The following PDXDC1 variants were observed in gnomAD, a reference collection of about 807,000 sequenced individuals.
The protein encoded by PDXDC1 is pyridoxal dependent decarboxylase domain containing 1, also known as pyridoxal-dependent decarboxylase domain-containing protein 1.
PDXDC1 carries 42 observed loss-of-function variants against 100.1 expected under a neutral mutation model. That is an observed-to-expected ratio of 0.42 (90% CI 0.33 to 0.54). The LOEUF is 0.54. Among genes scored for constraint, PDXDC1 ranks in the 20% least tolerant of loss-of-function variants. The pLI is 0.10. For missense variants in PDXDC1, 636 were observed against 979.2 expected (o/e 0.65, Z 4.68); for synonymous variants, 260 against 371.7 (o/e 0.70, Z 3.46).
In PDXDC1 at chr16:15,006,534, A is replaced by T; in HGVS notation, c.530A>T (p.Tyr177Phe). 6.2e-7 allele frequency: 1 copy of T among 1,601,310 alleles called. No individual in the cohort carries two copies. Among genetic ancestry groups the T allele is most frequent in the Middle Eastern group, 1.7e-4 (1 of 6,026 alleles). The change falls in exon 6 of 23, where the codon TAT (tyrosine) becomes TTT (phenylalanine). Residue 177 changes from tyrosine (Y) to phenylalanine (F), a missense_variant. Transcript: ENST00000396410. ...NVLYNKKPVI[Y>F]LSAAARPGLG... The stretch of plus-strand genomic sequence containing the variant: ...TTATATAACAAGAAGCCTGTCATAT[A>T]TCTTAGTGCTGCTGCTAGACCTGGC...
intron 16 of PDXDC1, among the ~76,000 whole-genome samples, chr16:15,057,171 C>T (rs1009669438): frequency 3.9e-5 from 6 of 152,178 alleles, no homozygotes; most frequent in Admixed American, 1.3e-4. Flanking sequence ...CCTCAGCTTA[C>T]ACACCCCGTT....
chr16:15,045,444 G>C (rs978597418), intron 16 of PDXDC1: 5 of 151,722 alleles, frequency 3.3e-5, no homozygotes, highest in Non-Finnish European at 7.3e-5. Context: ...GCCAGCCTGG[G>C]TGACAGAGCC....
chr16:14,980,578 C>T lies in PDXDC1; in HGVS notation c.21+5358C>T, dbSNP rs539785847. Among the ~76,000 whole-genome samples, 3 of 152,404 alleles carry T rather than the reference C, an allele frequency of 2.0e-5. No homozygotes were observed. The East Asian group carries it at 5.8e-4, about 29-fold the overall frequency. Reference sequence around the variant, plus strand: ...TCGGCTCACTGCAAGCTCCACCTCCCAGGTTCACGCCATTCTTCTGCCTCA... The same window carrying T: ...TCGGCTCACTGCAAGCTCCACCTCCTAGGTTCACGCCATTCTTCTGCCTCA... On this transcript the variant is annotated intron_variant, in intron 1 of 22. Coordinates refer to ENST00000396410, the MANE Select transcript of PDXDC1 (RefSeq NM_015027.4).
chr16:15,135,516 C>G, intron 16 of PDXDC1: 1 of 1,115,920 alleles, frequency 9.0e-7, no homozygotes, highest in African/African-American at 1.5e-5. Context: ...GCGCGGGAGA[C>G]CCCCTCCCCA....
chr16:15,133,227 G>A (rs1482338461), intron 16 of PDXDC1: 5 of 1,333,548 alleles, frequency 3.7e-6, no homozygotes, highest in African/African-American at 1.4e-5. Flanking sequence ...CAGCACGCAT[G>A]CAGCAGATGT....
chr16:15,034,508 C>T lies in PDXDC1; in HGVS notation c.1957C>T (p.Pro653Ser). The T allele has an allele frequency of 6.2e-7, 1 of 1,614,132 alleles. No individual in the cohort carries two copies. The highest frequency in any genetic ancestry group is 8.5e-7 in the Non-Finnish European group (1 of 1,180,012). ...VVGSVLNWFS[P>S]VQALQKGRTF... ...GGGCTCCGTGCTGAATTGGTTTTCT[C>T]CGGTCCAGGCTTTACAGAAGGGAAG... is the stretch of plus-strand genomic sequence containing the variant. The change falls in exon 21 of 23, where the codon CCG becomes TCG. Residue 653 changes from proline to serine, a missense_variant. By Grantham distance (74) the Pro-to-Ser change is moderately conservative. Coordinates refer to ENST00000396410, the MANE Select transcript of PDXDC1 (RefSeq NM_015027.4).
At position 15,103,504 on chromosome 16, in the gene PDXDC1, T is replaced by A. The variant is rs1598081943; in HGVS notation, c.1400-35375T>A. On this transcript the variant is annotated intron_variant, in intron 16 of 16. Coordinates refer to the PDXDC1 transcript ENST00000535621. ...TGGGTATATCTAATGTAAGTGATATTTATTTTATTTATTTTTTGAGTCAGA... is the reference window on the plus strand; with the variant it reads ...TGGGTATATCTAATGTAAGTGATATATATTTTATTTATTTTTTGAGTCAGA... 1.4e-5 allele frequency: 8 copies of A among 576,700 alleles called. No individual in the cohort carries two copies. The East Asian group carries it at 2.5e-4, about 18-fold the overall frequency. The allele number at this position is 576,700 out of a possible 1,614,324, so 35.7% of individuals were successfully genotyped here.
At position 15,104,453 on chromosome 16, in the gene PDXDC1, AGGG is replaced by A. The variant is rs1567252212; in HGVS notation, c.1400-34424_1400-34422del. 5.5e-6 allele frequency: 6 copies of A among 1,093,016 alleles called. 1 individual carries two copies. The highest frequency in any genetic ancestry group is 1.7e-5 in the South Asian group (1 of 59,702). 67.7% of individuals were successfully genotyped at this position (1,093,016 alleles called of 1,614,324 possible). A position where few individuals can be genotyped will look rare whatever the true frequency, so the allele number is the denominator to read the frequency against. On this transcript the variant is annotated intron_variant, in intron 16 of 16. Coordinates refer to the PDXDC1 transcript ENST00000535621. ...CGCTGAGGGTGGAGCTGAGGGTGGA[AGGG>A]GAGTGAGCAGACACACTCGGGAGGT...
At chr16:14,993,190 A>C (rs1345678601) in intron 1 of PDXDC1, among the ~76,000 whole-genome samples, 1 of 152,164 alleles carries the variant, frequency 6.6e-6, no homozygotes, top group Non-Finnish European at 1.5e-5. Context: ...TGTGCACAAC[A>C]TGCAGGTTTG....
At chr16:14,990,510 G>A (rs1351451459) in intron 1 of PDXDC1, among the ~76,000 whole-genome samples, 2 of 152,282 alleles carry the variant, frequency 1.3e-5, no homozygotes, top group African/African-American at 2.4e-5. Context: ...TAAGGGATCA[G>A]TTAATCTACA....
chr16:15,152,290 C>T, the PDXDC1 span, among the ~76,000 whole-genome samples: 24 of 131,942 alleles, frequency 1.8e-4, no homozygotes, highest in African/African-American at 6.0e-4. Flanking sequence ...CAGACAGCAA[C>T]GCTCCTGGAC....
chr16:15,084,210 G>GT (rs2045823458), intron 16 of PDXDC1, among the ~76,000 whole-genome samples: 2 of 152,120 alleles, frequency 1.3e-5, no homozygotes, highest in Non-Finnish European at 2.9e-5. Context: ...CATCAAGTTG[G>GT]ATTTTTTTTA....
Position 15,013,874 on chromosome 16 carries a change from C to CAA in PDXDC1, c.728-2233_728-2232dup, listed in dbSNP as rs58185654. Among the ~76,000 whole-genome samples, 337 of 135,646 alleles carry CAA rather than the reference C, an allele frequency of 2.5e-3. 1 individual carries two copies. Among genetic ancestry groups the CAA allele is most frequent in the East Asian group, 3.9e-3 (15 of 3,806 alleles). 89.0% of individuals were successfully genotyped at this position (135,646 alleles called of 152,430 possible). A position where few individuals can be genotyped will look rare whatever the true frequency, so the allele number is the denominator to read the frequency against. The stretch of plus-strand genomic sequence containing the variant: ...TGGGCGACAGAAAGGGTCTCTGTCT[C>CAA]AAAAAAAAAAAAAAAAAAAAAAATC... On this transcript the variant is annotated intron_variant, in intron 8 of 22. Coordinates refer to ENST00000396410, the MANE Select transcript of PDXDC1 (RefSeq NM_015027.4).
At chr16:15,011,557 C>T (rs1363353822) in intron 8 of PDXDC1, among the ~76,000 whole-genome samples, 1 of 151,476 alleles carries the variant, frequency 6.6e-6, no homozygotes, top group African/African-American at 2.4e-5. Flanking sequence ...AAAGCATTAG[C>T]TGTTTGAAAG....
intron 16 of PDXDC1, chr16:15,123,307 C>G (rs1251863652): frequency 2.8e-6 from 4 of 1,442,570 alleles, no homozygotes; most frequent in African/African-American, 2.8e-5. Flanking sequence ...TCTGGTCCAC[C>G]CCAACCAGCT....
At chr16:15,069,820 T>A (rs2045145392) in intron 16 of PDXDC1, among the ~76,000 whole-genome samples, 1 of 152,178 alleles carries the variant, frequency 6.6e-6, no homozygotes, top group Non-Finnish European at 1.5e-5. Context: ...ATTTCAAACT[T>A]TCAAAGGCAG....
downstream of PDXDC1, among the ~76,000 whole-genome samples, chr16:15,041,835 A>C (rs2043829038): frequency 6.6e-6 from 1 of 152,200 alleles, no homozygotes; most frequent in African/African-American, 2.4e-5. Flanking sequence ...ATGGGGCCAG[A>C]CACTAGGGAG....
At chr16:15,056,439 A>G (rs1486587446) in intron 16 of PDXDC1, among the ~76,000 whole-genome samples, 1 of 152,122 alleles carries the variant, frequency 6.6e-6, no homozygotes, top group Non-Finnish European at 1.5e-5. Context: ...TGAGTTTGGG[A>G]CCCTGCTGTG....
the PDXDC1 span, among the ~76,000 whole-genome samples, chr16:15,146,586 C>T: frequency 6.6e-6 from 1 of 152,108 alleles, no homozygotes; most frequent in Non-Finnish European, 1.5e-5. Flanking sequence ...AGCCACGCGG[C>T]CCTGCGCTGA....
Sources: gnomAD v4.1 joint callset for allele counts (sites outside exome capture counted in the v4.1 genomes callset) on GRCh38, gnomAD v4.1.1 for gene constraint, MANE v1.5 for transcripts, NCBI Gene and HGNC (gene_info 2026-07-23, HGNC 2026-07-21) for gene names.